PDE3A: variants seen among roughly 807,000 people sequenced by gnomAD.
PDE3A encodes cGMP-inhibited 3',5'-cyclic phosphodiesterase 3A.
PDE3A carries 43 observed loss-of-function variants against 98.3 expected under a neutral mutation model. The ratio of observed to expected loss-of-function variants is 0.44; its 90% CI spans 0.34 to 0.56. The LOEUF is 0.56. Among genes scored for constraint, PDE3A ranks in the 20% least tolerant of loss-of-function variants. The pLI, the probability that PDE3A is intolerant of heterozygous loss-of-function variation, is 0.01. For missense variants in PDE3A, 1,427 were observed against 1,440.7 expected (o/e 0.99, Z 0.15); for synonymous variants, 663 against 567.9 (o/e 1.17, Z -2.38).
chr12:20,377,845 C>T (rs1214167667), intron 1 of PDE3A, among the ~76,000 whole-genome samples: 1 of 151,588 alleles, frequency 6.6e-6, no homozygotes, highest in Non-Finnish European at 1.5e-5. Context: ...TATGAATTTG[C>T]CTTTAGGAGT....
At chr12:20,616,008 G>T (rs1436819065) in intron 3 of PDE3A, among the ~76,000 whole-genome samples, 3 of 152,118 alleles carry the variant, frequency 2.0e-5, no homozygotes, top group Admixed American at 6.5e-5. Context: ...ACAGGCGTGA[G>T]CCACTACGCC....
At chr12:20,428,183 A>ATT (rs1270245432) in intron 1 of PDE3A, among the ~76,000 whole-genome samples, 2 of 152,236 alleles carry the variant, frequency 1.3e-5, no homozygotes, top group African/African-American at 4.8e-5. Flanking sequence ...ATCCCAGAAG[A>ATT]GTAAAATCTC....
At position 20,570,407 on chromosome 12, in the gene PDE3A, CAAAAAAA is replaced by C. The variant is rs61242685; in HGVS notation, c.1011+13722_1011+13728del. Among the ~76,000 whole-genome samples the C allele has an allele frequency of 2.5e-4, 11 of 43,354 alleles. No individual in the cohort carries two copies. In the East Asian group the frequency reaches 3.9e-3, roughly 16 times the overall value. 28.4% of individuals were successfully genotyped at this position (43,354 alleles called of 152,430 possible). On this transcript the variant is annotated intron_variant, in intron 2 of 15. Transcript: ENST00000359062. ...TGGGCAACAGAATGCGACGCTGTCT[CAAAAAAA>C]AAAAAAAAAAAAAAAAAAAAAAAAG...
chr12:20,423,870 C>A (rs1051709406), intron 1 of PDE3A, among the ~76,000 whole-genome samples: 1 of 151,750 alleles, frequency 6.6e-6, no homozygotes, highest in Non-Finnish European at 1.5e-5. Context: ...AAAGCTGTGA[C>A]CAGAAGGTAG....
At chr12:20,668,636 G>T (rs1180683155) in intron 15 of PDE3A, among the ~76,000 whole-genome samples, 4 of 152,000 alleles carry the variant, frequency 2.6e-5, no homozygotes, top group Admixed American at 6.5e-5. Flanking sequence ...GCAGCTGAGG[G>T]TCCTGTCTGT....
intron 1 of PDE3A, among the ~76,000 whole-genome samples, chr12:20,444,228 T>C (rs1199955796): frequency 6.6e-6 from 1 of 152,174 alleles, no homozygotes; most frequent in Non-Finnish European, 1.5e-5. Flanking sequence ...TTTTCTTTTC[T>C]TTTCTGCTTT....
At chr12:20,667,394 G>C (rs1945342599) in intron 15 of PDE3A, among the ~76,000 whole-genome samples, 1 of 152,066 alleles carries the variant, frequency 6.6e-6, no homozygotes, top group Admixed American at 6.6e-5. Flanking sequence ...TCTTCTAACA[G>C]TTTTATAGTT....
chr12:20,677,731 T>A lies in PDE3A; in HGVS notation c.3185-2299T>A, dbSNP rs544285727. Among the ~76,000 whole-genome samples, 33 of 152,328 alleles carry A rather than the reference T, an allele frequency of 2.2e-4. 1 individual carries two copies. In the South Asian group the frequency reaches 6.8e-3, roughly 32 times the overall value. ...GTCTCAGCCTTCCAAAGTGCTGAGA[T>A]TACAGCCGATTTATTAAATTATCTT... On this transcript the variant is annotated intron_variant, in intron 15 of 15. Transcript: ENST00000359062.
At chr12:20,597,856 G>C (rs1185457672) in intron 2 of PDE3A, among the ~76,000 whole-genome samples, 1 of 151,508 alleles carries the variant, frequency 6.6e-6, no homozygotes, top group Non-Finnish European at 1.5e-5. Context: ...GTTAATATTT[G>C]TCAAATGAAT....
At chr12:20,437,166 T>C (rs1441524219) in intron 1 of PDE3A, among the ~76,000 whole-genome samples, 1 of 152,078 alleles carries the variant, frequency 6.6e-6, no homozygotes, top group Non-Finnish European at 1.5e-5. Context: ...TGATGTGAAA[T>C]AAATCAACTT....
intron 10 of PDE3A, among the ~76,000 whole-genome samples, chr12:20,646,011 A>C (rs1247806909): frequency 6.6e-6 from 1 of 152,184 alleles, no homozygotes; most frequent in Non-Finnish European, 1.5e-5. Context: ...GCAGTGCTTT[A>C]AGATTGATAC....
chr12:20,533,493 T>C (rs1318251139), intron 1 of PDE3A, among the ~76,000 whole-genome samples: 1 of 150,266 alleles, frequency 6.7e-6, no homozygotes, highest in East Asian at 2.0e-4. Context: ...TTTTTTTTTT[T>C]TGTTTTGAGA....
At chr12:20,419,912 T>C (rs1306964418) in intron 1 of PDE3A, among the ~76,000 whole-genome samples, 2 of 151,946 alleles carry the variant, frequency 1.3e-5, no homozygotes, top group African/African-American at 2.4e-5. Context: ...CTAATTCTTT[T>C]ATGTTTAGTA....
chr12:20,386,102 T>TATATATATAA (rs1220710518), intron 1 of PDE3A, among the ~76,000 whole-genome samples: 7 of 14,622 alleles, frequency 4.8e-4, no homozygotes, highest in Admixed American at 3.4e-3. Context: ...TATATATAAA[T>TATATATATAA]ATATATATAA....
chr12:20,647,080 A>G, intron 12 of PDE3A, 130 bp downstream of exon 12: 1 of 631,478 alleles, frequency 1.6e-6, no homozygotes, highest in Non-Finnish European at 2.8e-6. Context: ...TGAAATTCTC[A>G]GAGACCGTGC....
At chr12:20,417,160 T>G (rs2120736779) in intron 1 of PDE3A, among the ~76,000 whole-genome samples, 1 of 152,302 alleles carries the variant, frequency 6.6e-6, no homozygotes, top group South Asian at 2.1e-4. Context: ...TCCCTGTACT[T>G]GATACATCAT....
chr12:20,654,057 G>A lies in PDE3A; in HGVS notation c.3036G>A (p.Leu1012=), dbSNP rs1223897149. ...ESFISHIVGP[L]CNSYDSAGLM... The stretch of plus-strand genomic sequence containing the variant: ...TCATCTCTCACATTGTGGGGCCTCT[G>A]TGCAACTCCTATGATTCAGCAGGAC... The change falls in exon 15 of 16, where the codon CTG becomes CTA. Residue 1012 remains leucine, a synonymous_variant. Coordinates refer to ENST00000359062, the MANE Select transcript of PDE3A (RefSeq NM_000921.5). 3 of 1,614,148 alleles carry A rather than the reference G, an allele frequency of 1.9e-6. No individual in the cohort carries two copies. Among genetic ancestry groups the A allele is most frequent in the Non-Finnish European group, 1.7e-6 (2 of 1,180,028 alleles).
intron 1 of PDE3A, among the ~76,000 whole-genome samples, chr12:20,398,152 A>G (rs1301125787): frequency 6.6e-6 from 1 of 151,422 alleles, no homozygotes; most frequent in Non-Finnish European, 1.5e-5. Flanking sequence ...AGTAATAATG[A>G]TAAACAATCC....
Position 20,546,275 on chromosome 12 carries a change from C to T in PDE3A, c.961-10385C>T, listed in dbSNP as rs549595633. On this transcript the variant is annotated intron_variant, in intron 1 of 15. Coordinates refer to ENST00000359062, the MANE Select transcript of PDE3A (RefSeq NM_000921.5). Reference sequence around the variant, plus strand: ...CTGTTAGCTTCTTTGGCCTAAGCCCCGGACCAAATGCAGACTTCCACTCTT... The same window carrying T: ...CTGTTAGCTTCTTTGGCCTAAGCCCTGGACCAAATGCAGACTTCCACTCTT... Among the ~76,000 whole-genome samples, 8 of 151,926 alleles carry T rather than the reference C, an allele frequency of 5.3e-5. No individual in the cohort carries two copies. In the South Asian group the frequency reaches 8.3e-4, roughly 16 times the overall value.
Sources: gnomAD v4.1 joint callset for allele counts (sites outside exome capture counted in the v4.1 genomes callset) on GRCh38, gnomAD v4.1.1 for gene constraint, MANE v1.5 for transcripts, NCBI Gene and HGNC (gene_info 2026-07-23, HGNC 2026-07-21) for gene names.